Variants in KRT75 observed in about 807,000 individuals in gnomAD.
The protein encoded by KRT75 is keratin, type II cytoskeletal 75.
In KRT75, 35 loss-of-function variants were observed where a neutral mutation model predicts 48.8. The ratio of observed to expected loss-of-function variants is 0.72; its 90% CI spans 0.55 to 0.95. The LOEUF is 0.95. Among genes scored for constraint, KRT75 ranks in the 40% least tolerant of loss-of-function variants. The probability of loss-of-function intolerance (pLI) is 0.00; values close to 1 mark genes in which losing one functional copy is unlikely to be tolerated. For synonymous variants in KRT75, 301 were observed against 282.3 expected (o/e 1.07, Z -0.66); for missense variants, 776 against 709.9 (o/e 1.09, Z -1.06).
intron 1 of KRT75, 65 bp from the exon 2 acceptor site, chr12:52,433,317 A>G (rs1370671401): frequency 3.8e-5 from 49 of 1,289,184 alleles, no homozygotes; most frequent in Non-Finnish European, 2.3e-6. Context: ...CACTCCTATT[A>G]ATAAGGGAGA....
At chr12:52,426,789 A>G in intron 8 of KRT75, 28 bp downstream of exon 8, 3 of 1,612,610 alleles carry the variant, frequency 1.9e-6, no homozygotes, top group Non-Finnish European at 2.5e-6. Flanking sequence ...ACACACTCCA[A>G]ATGGCCCAAG....
chr12:52,428,168 G>T, intron 7 of KRT75, 88 bp downstream of exon 7: 6 of 1,512,216 alleles, frequency 4.0e-6, no homozygotes, highest in South Asian at 3.4e-5. Flanking sequence ...AGAAGAAGGG[G>T]CTGCAACAGC....
Position 52,429,151 on chromosome 12 carries a change from C to A in KRT75, c.1036-408G>T, listed in dbSNP as rs555620816. ...ACAAAGGAAACAGCCTGCATGAAGA[C>A]TCTGGGTCAGGGAAGGAACATGGTG... is the stretch of plus-strand genomic sequence containing the variant. On this transcript the variant is annotated intron_variant, in intron 5 of 8. Transcript: ENST00000252245. Among the ~76,000 whole-genome samples the A allele has an allele frequency of 2.0e-4, 30 of 152,210 alleles. No homozygotes were observed. The East Asian group carries it at 3.7e-3, about 19-fold the overall frequency.
intron 1 of KRT75, among the ~76,000 whole-genome samples, 196 bp from the exon 2 acceptor site, chr12:52,433,448 G>A (rs963587235): frequency 2.7e-5 from 4 of 147,356 alleles, no homozygotes; most frequent in African/African-American, 1.1e-4. Context: ...CATAGGATTC[G>A]GGTGGTGGGG....
chr12:52,431,480 G>T, intron 4 of KRT75, 63 bp downstream of exon 4: 1 of 1,156,846 alleles, frequency 8.6e-7, no homozygotes, highest in Non-Finnish European at 1.3e-6. Context: ...ATGGCACAAT[G>T]CATCATCCTT....
At chr12:52,424,998 T>G (rs975355994) in intron 8 of KRT75, among the ~76,000 whole-genome samples, 3 of 152,140 alleles carry the variant, frequency 2.0e-5, no homozygotes, top group Admixed American at 6.5e-5. Flanking sequence ...TGGAGCCCTC[T>G]CCTCCTGGAA....
chr12:52,428,166 G>T, intron 7 of KRT75, 90 bp downstream of exon 7: 1 of 1,497,268 alleles, frequency 6.7e-7, no homozygotes, highest in Non-Finnish European at 9.3e-7. Context: ...GGAGAAGAAG[G>T]GGCTGCAACA....
chr12:52,431,701 G>C (rs1940146786), intron 3 of KRT75, 63 bp from the exon 4 acceptor site: 2 of 1,248,134 alleles, frequency 1.6e-6, no homozygotes, highest in African/African-American at 3.0e-5. Flanking sequence ...TCCAAAAGAA[G>C]CTGAGCAGAT....
Position 52,428,496 on chromosome 12 carries a change from C to A in KRT75, c.1162-20G>T. On this transcript the variant is annotated intron_variant, in intron 6 of 8. Coordinates refer to ENST00000252245, the MANE Select transcript of KRT75 (RefSeq NM_004693.3). ...GGAACACTGTAAGGACAGGAGGAAGCCATGAGTCCTGCTGACAGCCCATGG... is the reference window on the plus strand; with the variant it reads ...GGAACACTGTAAGGACAGGAGGAAGACATGAGTCCTGCTGACAGCCCATGG... 6.2e-7 allele frequency: 1 copy of A among 1,612,526 alleles called. No individual in the cohort carries two copies. Among genetic ancestry groups the A allele is most frequent in the South Asian group, 1.1e-5 (1 of 90,918 alleles).
chr12:52,424,611 A>G lies in KRT75; in HGVS notation c.1562T>C (p.Phe521Ser). 1 of 1,614,132 alleles carries G rather than the reference A, an allele frequency of 6.2e-7. No individual in the cohort carries two copies. The highest frequency in any genetic ancestry group is 1.3e-5 in the African/African-American group (1 of 75,040). ...TAAGCCCCGGTTGCTGGTGGCACTGAATCCAGAACCTCCCAGGCCTGCACC... is the reference window on the plus strand; with the variant it reads ...TAAGCCCCGGTTGCTGGTGGCACTGGATCCAGAACCTCCCAGGCCTGCACC... ...SLGAGLGGSG[F>S]SATSNRGLGG... The change falls in exon 9 of 9, where the codon TTC becomes TCC. Residue 521 changes from phenylalanine to serine, a missense_variant. By Grantham distance (155) the Phe-to-Ser change is radical (BLOSUM62 -2). Transcript: ENST00000252245.
At chr12:52,432,138 G>A (rs1330979246) in intron 2 of KRT75, 72 bp from the exon 3 acceptor site, 4 of 1,468,530 alleles carry the variant, frequency 2.7e-6, no homozygotes. Context: ...GGTGTAGCAA[G>A]AGTTAAGAGC....
rs377537376 is a variant in KRT75 at position 52,432,081 on chromosome 12, C to G, written c.714-15G>C. ...CATCTTCGTACCTATAAGGACAGAG[C>G]GGGGGGTGTGCTGTTGAGCAAGTCT... On this transcript the variant is annotated splice_polypyrimidine_tract_variant and intron_variant, in intron 2 of 8. Coordinates refer to ENST00000252245, the MANE Select transcript of KRT75 (RefSeq NM_004693.3). 68 of 1,613,888 alleles carry G rather than the reference C, an allele frequency of 4.2e-5. 1 individual carries two copies. In the African/African-American group the frequency reaches 8.0e-4, roughly 19 times the overall value.
Position 52,434,097 on chromosome 12 carries a change from G to A in KRT75, c.208C>T (p.Arg70Trp), listed in dbSNP as rs956268367. 5.0e-6 allele frequency: 8 copies of A among 1,614,016 alleles called. No homozygotes were observed. Among genetic ancestry groups the A allele is most frequent in the Admixed American group, 3.3e-5 (2 of 60,002 alleles). Residue 70 changes from arginine (R) to tryptophan (W), a missense_variant, in exon 1 of 9, where the codon CGG (arginine) becomes TGG (tryptophan). Arg to Trp is a moderately radical substitution (Grantham distance 101). Transcript: ENST00000252245. Reference protein sequence around the residue: ...RSLYNLGGAKRVSINGCGSSC... With the variant: ...RSLYNLGGAKWVSINGCGSSC... ...CTGCCACACCCATTGATGGAGACCC[G>A]CTTGGCACCCCCCAGGTTGTAGAGG...
chr12:52,426,983 C>T (rs1940083316), intron 7 of KRT75, 132 bp from the exon 8 acceptor site: 2 of 754,514 alleles, frequency 2.7e-6, no homozygotes, highest in Non-Finnish European at 2.3e-6. Context: ...AGAAGTAATG[C>T]AGGTTGAAAT....
chr12:52,431,830 A>G (rs549092696), intron 3 of KRT75, among the ~76,000 whole-genome samples, 176 bp downstream of exon 3: 1 of 152,292 alleles, frequency 6.6e-6, no homozygotes, highest in Admixed American at 6.5e-5. Flanking sequence ...CAGAAACCCA[A>G]GTAGGGCTAA....
At chr12:52,427,601 A>G (rs1940090331) in intron 7 of KRT75, among the ~76,000 whole-genome samples, 2 of 152,372 alleles carry the variant, frequency 1.3e-5, no homozygotes, top group South Asian at 2.1e-4. Flanking sequence ...AAACTGAATG[A>G]TAGCTAACAT....
In KRT75 at chr12:52,431,540, T is replaced by C; in HGVS notation, c.870+3A>G. 1 of 1,593,404 alleles carries C rather than the reference T, an allele frequency of 6.3e-7. No homozygotes were observed. The highest frequency in any genetic ancestry group is 8.6e-7 in the Non-Finnish European group (1 of 1,161,044). On this transcript the variant is annotated splice_donor_region_variant and intron_variant, in intron 4 of 8. Transcript: ENST00000252245. ...AGAGACAGAAATACTTGCAGACTCT[T>C]ACTGCATCAAAGACTGAGTGGATGA...
rs556426421 is a variant in KRT75, at chr12:52,433,130, G to A, written c.621C>T (p.Leu207=). The change falls in exon 2 of 9, where the codon CTC becomes CTT. Residue 207 remains leucine (L), a synonymous_variant. Coordinates refer to ENST00000252245, the MANE Select transcript of KRT75 (RefSeq NM_004693.3). ...EPLFDSYTSE[L]RRQLESITTE... ...TGGTGATGCTTTCCAGCTGCCGTCGGAGCTCACTGGTATAGGAATCAAAGA... is the reference window on the plus strand; with the variant it reads ...TGGTGATGCTTTCCAGCTGCCGTCGAAGCTCACTGGTATAGGAATCAAAGA... 6.8e-6 allele frequency: 11 copies of A among 1,613,646 alleles called. No individual in the cohort carries two copies. Among genetic ancestry groups the A allele is most frequent in the South Asian group, 5.5e-5 (5 of 91,014 alleles).
At position 52,433,246 on chromosome 12, in the gene KRT75, A is replaced by T. The variant is rs201467295; in HGVS notation, c.505T>A (p.Phe169Ile). ...AGGACCTTGTTCTGCTGCTCCAAGA[A>T]CCTCACCTGGAGGGAAGAAGAGAGA... is the stretch of plus-strand genomic sequence containing the variant. ...KFASFIDKVR[F>I]LEQQNKVLET... Residue 169 changes from phenylalanine to isoleucine, a missense_variant, in exon 2 of 9, where the codon TTC (phenylalanine) becomes ATC (isoleucine). By Grantham distance (21) the Phe-to-Ile change is conservative (BLOSUM62 0). Transcript: ENST00000252245. 6.2e-7 allele frequency: 1 copy of T among 1,613,214 alleles called. No individual in the cohort carries two copies. The highest frequency in any genetic ancestry group is 2.2e-5 in the East Asian group (1 of 44,824).
Sources: allele counts gnomAD v4.1 joint callset (sites outside exome capture counted in the v4.1 genomes callset), GRCh38; gene constraint gnomAD v4.1.1; transcripts MANE v1.5; gene names NCBI Gene and HGNC (gene_info 2026-07-23, HGNC 2026-07-21).